ZNF385D: variants seen among roughly 807,000 people sequenced by gnomAD.
The protein encoded by ZNF385D is zinc finger protein 659.
In ZNF385D, 15 loss-of-function variants were observed where a neutral mutation model predicts 35.8. The ratio of observed to expected loss-of-function variants is 0.42; its 90% CI spans 0.28 to 0.64. The LOEUF (loss-of-function observed/expected upper bound fraction) is 0.64, where lower values mean the gene tolerates loss of function less well. ZNF385D is among the 30% of genes least tolerant of loss of function. The pLI is 0.23. For synonymous variants in ZNF385D, 212 were observed against 186.8 expected (o/e 1.13, Z -1.10); for missense variants, 474 against 494.6 (o/e 0.96, Z 0.39).
intron 3 of ZNF385D, among the ~76,000 whole-genome samples, chr3:21,990,457 A>G (rs773329555): frequency 3.9e-5 from 6 of 152,228 alleles, no homozygotes; most frequent in Non-Finnish European, 5.9e-5. Context: ...TCAGGGTGAT[A>G]AGGTTAGAAA....
intron 4 of ZNF385D, among the ~76,000 whole-genome samples, chr3:21,447,721 G>A (rs1171350014): frequency 2.6e-5 from 4 of 152,166 alleles, no homozygotes; most frequent in Admixed American, 1.3e-4. Context: ...AAAAGTGAGA[G>A]AAAGCTTACC....
Position 21,417,457 on chromosome 3 carries a change from A to G in ZNF385D, c.*3757T>C, listed in dbSNP as rs537320237. The G allele has an allele frequency of 2.6e-5, 4 of 152,284 alleles. No individual in the cohort carries two copies. The highest frequency in any genetic ancestry group is 7.2e-5 in the African/African-American group (3 of 41,576). The allele number at this position is 152,284 out of a possible 1,614,324, so 9.4% of individuals were successfully genotyped here. ...TACAATGTCATCCATGCTTATGTAT[A>G]GAAAGGTAATTTTCTACTTCAATTC... On this transcript the variant is annotated 3_prime_UTR_variant, in exon 8 of 8. Coordinates refer to ENST00000281523, the MANE Select transcript of ZNF385D (RefSeq NM_024697.3).
At chr3:21,794,839 T>G (rs1575662354) in intron 3 of ZNF385D, among the ~76,000 whole-genome samples, 1 of 152,358 alleles carries the variant, frequency 6.6e-6, no homozygotes, top group East Asian at 1.9e-4. Flanking sequence ...TGTGACCTCC[T>G]GTTCTACAGC....
chr3:22,166,240 C>A (rs371017940), intron 3 of ZNF385D, among the ~76,000 whole-genome samples: 1 of 130,178 alleles, frequency 7.7e-6, no homozygotes. Flanking sequence ...ACTAACATGA[C>A]GATACTTAAA....
At chr3:21,475,962 G>A (rs147389783) in intron 4 of ZNF385D, among the ~76,000 whole-genome samples, 2,216 of 151,944 alleles carry the variant, frequency 0.015, 33 homozygotes, top group Non-Finnish European at 0.024. Context: ...TATTTTGCAT[G>A]CCCAGTAAAT....
rs192895253 is a variant in ZNF385D at position 22,129,295 on chromosome 3, C to T, written c.325+39522G>A. Among the ~76,000 whole-genome samples, 623 of 152,290 alleles carry T rather than the reference C, an allele frequency of 4.1e-3. 2 individuals carry two copies. Among genetic ancestry groups the T allele is most frequent in the African/African-American group, 0.014 (568 of 41,566 alleles). On this transcript the variant is annotated intron_variant, in intron 3 of 5. Transcript: ENST00000494108. Reference sequence around the variant, plus strand: ...TGTGCCTCGTCATACCTGAAACAAGCTGGTTCTTGCCTAAGGCCTGTTGTG... The same window carrying T: ...TGTGCCTCGTCATACCTGAAACAAGTTGGTTCTTGCCTAAGGCCTGTTGTG...
At chr3:21,785,202 G>A (rs559654871) in intron 3 of ZNF385D, among the ~76,000 whole-genome samples, 10 of 152,166 alleles carry the variant, frequency 6.6e-5, no homozygotes, top group East Asian at 3.9e-4. Flanking sequence ...AACCCTGGTC[G>A]GTGGTATATC....
intron 4 of ZNF385D, among the ~76,000 whole-genome samples, chr3:21,460,667 T>G (rs909240243): frequency 1.3e-5 from 2 of 151,950 alleles, no homozygotes; most frequent in African/African-American, 4.9e-5. Context: ...ATATTTTATA[T>G]CATTTTCTAT....
intron 2 of ZNF385D, among the ~76,000 whole-genome samples, chr3:22,196,342 C>T (rs896135585): frequency 8.1e-5 from 12 of 148,192 alleles, no homozygotes; most frequent in African/African-American, 2.0e-4. Context: ...TCATATCTTA[C>T]GTTTATATTT....
At chr3:21,766,912 T>G (rs73140853) in intron 3 of ZNF385D, among the ~76,000 whole-genome samples, 1 of 152,102 alleles carries the variant, frequency 6.6e-6, no homozygotes, top group Admixed American at 6.6e-5. Context: ...CAGATGAGGT[T>G]CAATTAATAT....
intron 3 of ZNF385D, among the ~76,000 whole-genome samples, chr3:22,059,857 G>A (rs1699603339): frequency 6.6e-6 from 1 of 152,156 alleles, no homozygotes; most frequent in African/African-American, 2.4e-5. Context: ...GGTGTTTCTG[G>A]AAGATTAGCA....
intron 3 of ZNF385D, among the ~76,000 whole-genome samples, chr3:22,018,263 A>G (rs1254805791): frequency 6.6e-6 from 1 of 151,680 alleles, no homozygotes; most frequent in Non-Finnish European, 1.5e-5. Flanking sequence ...ATTTTTCGAA[A>G]ATAACTTGTC....
chr3:21,620,801 C>A (rs935976314), intron 2 of ZNF385D, among the ~76,000 whole-genome samples: 2 of 152,110 alleles, frequency 1.3e-5, no homozygotes, highest in Admixed American at 6.5e-5. Flanking sequence ...GCATTTTCCA[C>A]AACACTCTCG....
chr3:21,967,219 T>G (rs903940753), intron 3 of ZNF385D, among the ~76,000 whole-genome samples: 55 of 152,284 alleles, frequency 3.6e-4, no homozygotes, highest in Admixed American at 7.8e-4. Flanking sequence ...TTTTATCTAT[T>G]TCAGTCCTGG....
At chr3:22,215,807 C>T (rs992706421) in intron 2 of ZNF385D, among the ~76,000 whole-genome samples, 12 of 151,956 alleles carry the variant, frequency 7.9e-5, no homozygotes, top group African/African-American at 2.7e-4. Flanking sequence ...GGTTTTACGG[C>T]TCAAGGGGCA....
intron 2 of ZNF385D, among the ~76,000 whole-genome samples, chr3:22,340,272 G>A (rs1695363160): frequency 6.6e-6 from 1 of 152,142 alleles, no homozygotes; most frequent in African/African-American, 2.4e-5. Context: ...CAAAGAACAG[G>A]TCTGGGTTCT....
At position 21,683,614 on chromosome 3, in the gene ZNF385D, C is replaced by G. The variant is rs546613836; in HGVS notation, c.23-18586G>C. Among the ~76,000 whole-genome samples, 39 of 148,506 alleles carry G rather than the reference C, an allele frequency of 2.6e-4. 3 individuals carry two copies. Among genetic ancestry groups the G allele is most frequent in the African/African-American group, 9.0e-4 (36 of 40,188 alleles). ...CCTGGGTGAGAGAGTGAGACTCCAT[C>G]TCAAAAAAAAAAGAGATTGTTCATG... is the stretch of plus-strand genomic sequence containing the variant. On this transcript the variant is annotated intron_variant, in intron 1 of 7. Coordinates refer to ENST00000281523, the MANE Select transcript of ZNF385D (RefSeq NM_024697.3).
chr3:21,491,218 T>A (rs1266906142), intron 4 of ZNF385D, among the ~76,000 whole-genome samples: 6 of 148,130 alleles, frequency 4.1e-5, no homozygotes, highest in Admixed American at 1.4e-4. Flanking sequence ...TAAAGGGGTT[T>A]TTTTTTTGGG....
chr3:21,968,782 C>A (rs1020825313), intron 3 of ZNF385D, among the ~76,000 whole-genome samples: 3 of 152,160 alleles, frequency 2.0e-5, no homozygotes, highest in African/African-American at 7.2e-5. Context: ...AGGTGTGACC[C>A]AGCACATTCC....
Sources: gnomAD v4.1 joint callset for allele counts (sites outside exome capture counted in the v4.1 genomes callset) on GRCh38, gnomAD v4.1.1 for gene constraint, MANE v1.5 for transcripts, NCBI Gene and HGNC (gene_info 2026-07-23, HGNC 2026-07-21) for gene names.